The following PTPRN2 variants were observed in gnomAD, a reference collection of about 807,000 sequenced individuals.
The protein encoded by PTPRN2 is protein tyrosine phosphatase receptor type N2.
Under a neutral mutation model 118.8 loss-of-function variants are expected in PTPRN2, and 74 were observed. That is an observed-to-expected ratio of 0.62 (90% CI 0.52 to 0.76). The LOEUF is 0.76. PTPRN2 is among the 30% of genes least tolerant of loss of function. PTPRN2 has a pLI of 0.00. For synonymous variants in PTPRN2, 641 were observed against 608.0 expected (o/e 1.05, Z -0.80); for missense variants, 1,481 against 1,394.4 (o/e 1.06, Z -0.99).
At chr7:158,287,140 CAT>C (rs1335063965) in intron 3 of PTPRN2, among the ~76,000 whole-genome samples, 1 of 152,090 alleles carries the variant, frequency 6.6e-6, no homozygotes, top group African/African-American at 2.4e-5. Context: ...TATAATTGTT[CAT>C]AGTCTCATGG....
chr7:157,636,637 A>G (rs561499754), intron 14 of PTPRN2, among the ~76,000 whole-genome samples: 17 of 152,380 alleles, frequency 1.1e-4, no homozygotes, highest in African/African-American at 3.8e-4. Context: ...ATGGCTATTT[A>G]TCAAACACAA....
chr7:157,666,947 A>G (rs189814500), intron 13 of PTPRN2, among the ~76,000 whole-genome samples: 277 of 150,634 alleles, frequency 1.8e-3, no homozygotes, highest in Non-Finnish European at 3.1e-3. Flanking sequence ...GGTGGGTGCA[A>G]TGAGTACACA....
intron 1 of PTPRN2, among the ~76,000 whole-genome samples, chr7:158,587,151 C>T: frequency 6.8e-6 from 1 of 146,938 alleles, no homozygotes. Context: ...CCTCCCCACC[C>T]GCCCCGTCAC....
chr7:158,505,835 T>C (rs1822707496), intron 1 of PTPRN2, among the ~76,000 whole-genome samples: 1 of 152,132 alleles, frequency 6.6e-6, no homozygotes, highest in Non-Finnish European at 1.5e-5. Flanking sequence ...TTCAATGTGG[T>C]GCTAAATAAC....
intron 12 of PTPRN2, among the ~76,000 whole-genome samples, chr7:157,898,199 G>C (rs1399820795): frequency 2.0e-5 from 3 of 152,154 alleles, no homozygotes; most frequent in Non-Finnish European, 2.9e-5. Context: ...ACAGGGGCTT[G>C]ATAGATTTTC....
At chr7:158,131,297 CATAA>C (rs376282085) in intron 9 of PTPRN2, among the ~76,000 whole-genome samples, 1 of 150,224 alleles carries the variant, frequency 6.7e-6, no homozygotes, top group African/African-American at 2.5e-5. Flanking sequence ...AGATGCACAT[CATAA>C]AAATACACAT....
At chr7:158,270,764 CACCCCG>C (rs1798278947) in intron 3 of PTPRN2, among the ~76,000 whole-genome samples, 1 of 145,684 alleles carries the variant, frequency 6.9e-6, no homozygotes, top group Admixed American at 6.8e-5. Context: ...CCACCTGGAC[CACCCCG>C]TCCACCTGGA....
chr7:157,764,841 T>C lies in PTPRN2; in HGVS notation c.1789-81904A>G, dbSNP rs575661983. On this transcript the variant is annotated intron_variant, in intron 12 of 22. Coordinates refer to ENST00000389418, the MANE Select transcript of PTPRN2 (RefSeq NM_002847.5). This position sits in a 1 kb window ranked among gnomAD's most constrained non-coding sequence, Gnocchi z 4.5. ...GCTGGGAAATGATCCATCCTGCCAT[T>C]CATCCATCCATCCATCAAGCACTCA... Among the ~76,000 whole-genome samples, 5 of 151,972 alleles carry C rather than the reference T, an allele frequency of 3.3e-5. No individual in the cohort carries two copies. Among genetic ancestry groups the C allele is most frequent in the Non-Finnish European group, 7.4e-5 (5 of 67,982 alleles).
chr7:157,940,945 CGACACTGCAAATCTAACACTCTCCCCCGT>C (rs1366326007), intron 11 of PTPRN2, among the ~76,000 whole-genome samples: 9 of 41,122 alleles, frequency 2.2e-4, no homozygotes, highest in Non-Finnish European at 3.0e-4. Context: ...CTCCCCACCA[CGACACTGCAAATCTAACACTCTCCCCCGT>C]GACACTGCAA....
intron 2 of PTPRN2, among the ~76,000 whole-genome samples, chr7:158,459,533 G>A (rs1028048105): frequency 2.6e-5 from 4 of 152,088 alleles, no homozygotes; most frequent in Non-Finnish European, 5.9e-5. Context: ...ACCCATGCAC[G>A]CCTCAGTCCA....
At chr7:157,667,443 T>G (rs139666278) in intron 13 of PTPRN2, among the ~76,000 whole-genome samples, 1 of 152,230 alleles carries the variant, frequency 6.6e-6, no homozygotes, top group Non-Finnish European at 1.5e-5. Context: ...CCCCTGCCAG[T>G]GCCCGCATCT....
chr7:157,914,466 GTAGGTAATAT>G (rs1798281869), intron 11 of PTPRN2, among the ~76,000 whole-genome samples: 1 of 152,154 alleles, frequency 6.6e-6, no homozygotes, highest in South Asian at 2.1e-4. Flanking sequence ...CTTATGAATC[GTAGGTAATAT>G]TCTAACTCTG....
At chr7:157,790,473 C>T (rs987807042) in intron 12 of PTPRN2, among the ~76,000 whole-genome samples, 1 of 151,982 alleles carries the variant, frequency 6.6e-6, no homozygotes, top group African/African-American at 2.4e-5. Flanking sequence ...TGAAGATCAG[C>T]GTTCAGACCA....
intron 15 of PTPRN2, among the ~76,000 whole-genome samples, chr7:157,612,046 A>G (rs1167981297): frequency 6.6e-6 from 1 of 152,098 alleles, no homozygotes; most frequent in Non-Finnish European, 1.5e-5. Context: ...GGCCACATAC[A>G]CTGCCCATCC....
At chr7:158,380,579 G>A (rs374015763) in intron 2 of PTPRN2, among the ~76,000 whole-genome samples, 15 of 152,290 alleles carry the variant, frequency 9.8e-5, no homozygotes, top group South Asian at 2.1e-4. Flanking sequence ...CTGCCTTCAC[G>A]GGCTGGCATT....
At chr7:157,902,785 C>A (rs1797547695) in intron 11 of PTPRN2, among the ~76,000 whole-genome samples, 1 of 152,174 alleles carries the variant, frequency 6.6e-6, no homozygotes, top group Non-Finnish European at 1.5e-5. Context: ...TGAGGTGATT[C>A]CAAAGCACGT....
chr7:158,128,467 G>C (rs777028284), intron 9 of PTPRN2, among the ~76,000 whole-genome samples: 8 of 152,106 alleles, frequency 5.3e-5, no homozygotes, highest in Non-Finnish European at 1.5e-5. Context: ...AGTCCAAAAG[G>C]CATGGCCGGC....
Position 158,546,313 on chromosome 7 carries a change from C to A in PTPRN2, c.112+41245G>T, listed in dbSNP as rs1474339731. 6.6e-6 allele frequency among the ~76,000 whole-genome samples: 1 copy of A among 152,254 alleles called. No homozygotes were observed. The highest frequency in any genetic ancestry group is 2.4e-5 in the African/African-American group (1 of 41,470). On this transcript the variant is annotated intron_variant, in intron 1 of 22. Coordinates refer to ENST00000389418, the MANE Select transcript of PTPRN2 (RefSeq NM_002847.5). This position sits in a 1 kb window ranked among gnomAD's most constrained non-coding sequence, Gnocchi z 5.0. ...CGCTTCCAGCAGCTTGAGCTTCACG[C>A]CTGCCCGGAGACGGGGTCCGCGAGG...
chr7:158,323,864 T>G (rs1377735976), intron 2 of PTPRN2, among the ~76,000 whole-genome samples: 1 of 152,100 alleles, frequency 6.6e-6, no homozygotes, highest in African/African-American at 2.4e-5. Context: ...TGCACATTCA[T>G]ACCTGCATGA....
Sources: allele counts gnomAD v4.1 joint callset (sites outside exome capture counted in the v4.1 genomes callset), GRCh38; gene constraint gnomAD v4.1.1; non-coding constraint Gnocchi (gnomAD v3.1); transcripts MANE v1.5; gene names NCBI Gene and HGNC (gene_info 2026-07-23, HGNC 2026-07-21).